Variants in RILPL2 observed in about 807,000 individuals in gnomAD.
RILPL2 encodes the protein Rab interacting lysosomal protein like 2, also known as RILP-like protein 2.
A neutral mutation model predicts 22.2 loss-of-function variants in RILPL2; 19 were observed. The ratio of observed to expected loss-of-function variants is 0.86; its 90% CI spans 0.60 to 1.25. The LOEUF is 1.25. Among genes scored for constraint, RILPL2 ranks in the 50% most tolerant of loss-of-function variants. The pLI, the probability that RILPL2 is intolerant of heterozygous loss-of-function variation, is 0.00. For missense variants in RILPL2, 243 were observed against 263.6 expected (o/e 0.92, Z 0.54); for synonymous variants, 123 against 111.6 (o/e 1.10, Z -0.64).
intron 2 of RILPL2, among the ~76,000 whole-genome samples, chr12:123,425,770 C>G (rs867022916): frequency 3.3e-5 from 5 of 152,006 alleles, no homozygotes; most frequent in African/African-American, 1.2e-4. Context: ...CTGCCCCAGC[C>G]TCCAGAGTAG....
chr12:123,420,545 T>C (rs1879253525), intron 3 of RILPL2, among the ~76,000 whole-genome samples: 1 of 151,962 alleles, frequency 6.6e-6, no homozygotes, highest in African/African-American at 2.4e-5. Context: ...CAGGCGATTC[T>C]CCTGCCTCAG....
At chr12:123,425,816 A>AT (rs1474076324) in intron 2 of RILPL2, among the ~76,000 whole-genome samples, 7 of 151,652 alleles carry the variant, frequency 4.6e-5, no homozygotes, top group Admixed American at 1.3e-4. Flanking sequence ...TGCCTGGCTA[A>AT]TTTTTTTGTA....
intron 2 of RILPL2, among the ~76,000 whole-genome samples, chr12:123,428,886 A>G (rs4930718): frequency 0.17 from 25,853 of 152,192 alleles, 2,538 homozygotes; most frequent in Middle Eastern, 0.26. Context: ...ACTAGCCAAC[A>G]CGACATTTTT....
intron 1 of RILPL2, among the ~76,000 whole-genome samples, chr12:123,435,554 C>T (rs1233125588): frequency 2.0e-5 from 3 of 151,968 alleles, no homozygotes; most frequent in African/African-American, 4.8e-5. Context: ...GCCTGGGTAA[C>T]GGTGAGACCC....
chr12:123,419,035 G>A (rs1320893518), intron 3 of RILPL2, among the ~76,000 whole-genome samples: 14 of 145,850 alleles, frequency 9.6e-5, no homozygotes, highest in Non-Finnish European at 1.7e-4. Context: ...TTTTGAGACG[G>A]AGTCTCGCTC....
chr12:123,409,714 C>CT, the RILPL2 span, among the ~76,000 whole-genome samples: 770 of 90,526 alleles, frequency 8.5e-3, 114 homozygotes, highest in African/African-American at 0.033. Context: ...CACACCTGGC[C>CT]TTTTTTTTTT....
chr12:123,416,280 C>G (rs933614863), intron 3 of RILPL2, among the ~76,000 whole-genome samples: 11 of 151,880 alleles, frequency 7.2e-5, no homozygotes, highest in African/African-American at 2.4e-4. Context: ...GCCGAGATTG[C>G]GCCACTGCAC....
At chr12:123,425,798 C>A (rs1050320044) in intron 2 of RILPL2, among the ~76,000 whole-genome samples, 1 of 151,492 alleles carries the variant, frequency 6.6e-6, no homozygotes, top group Non-Finnish European at 1.5e-5. Context: ...TACAGGTGCA[C>A]GCCACCATGC....
chr12:123,436,517 T>C lies in RILPL2; in HGVS notation c.-97A>G. The C allele has an allele frequency of 6.8e-7, 1 of 1,467,038 alleles. No individual in the cohort carries two copies. The highest frequency in any genetic ancestry group is 9.0e-7 in the Non-Finnish European group (1 of 1,109,366). The allele number at this position is 1,467,038 out of a possible 1,614,324, so 90.9% of individuals were successfully genotyped here. A position where few individuals can be genotyped will look rare whatever the true frequency, so the allele number is the denominator to read the frequency against. ...ACCCAAAACTTTCCGCTGGGCAGAG[T>C]CCCTACCTGCCCAATCAGCGCGGCC... On this transcript the variant is annotated 5_prime_UTR_variant, in exon 1 of 4. Coordinates refer to ENST00000280571, the MANE Select transcript of RILPL2 (RefSeq NM_145058.3). The surrounding 1 kb of genome is among the most constrained non-coding windows in gnomAD (Gnocchi z 6.7).
rs1879784477 is a variant in RILPL2, at chr12:123,436,040, CCGCAGG to C, written c.339+36_339+41del. The stretch of plus-strand genomic sequence containing the variant: ...CTGCCAGTAGGTGCCCTCCTACGCC[CCGCAGG>C]CGCCGTGGGCCCGGAACCCTCGCTC... On this transcript the variant is annotated intron_variant, in intron 1 of 3. Transcript: ENST00000280571. The surrounding 1 kb of genome is among the most constrained non-coding windows in gnomAD (Gnocchi z 6.7). 2 of 1,542,092 alleles carry C rather than the reference CCGCAGG, an allele frequency of 1.3e-6. No homozygotes were observed. Among genetic ancestry groups the C allele is most frequent in the Non-Finnish European group, 1.8e-6 (2 of 1,140,828 alleles).
chr12:123,435,464 T>C (rs1788818418), intron 1 of RILPL2, among the ~76,000 whole-genome samples: 2 of 152,202 alleles, frequency 1.3e-5, no homozygotes, highest in Non-Finnish European at 2.9e-5. Context: ...CTTGTCCAAG[T>C]GTGGTGGCTC....
chr12:123,434,701 C>T (rs1297422669), intron 1 of RILPL2, among the ~76,000 whole-genome samples: 1 of 150,990 alleles, frequency 6.6e-6, no homozygotes, highest in Non-Finnish European at 1.5e-5. Context: ...GCTGGGATTA[C>T]AGGCGTGAGT....
At chr12:123,412,419 G>A (rs1190916964), downstream of RILPL2, 3 of 152,376 alleles carry the variant, frequency 2.0e-5, no homozygotes, top group African/African-American at 7.2e-5. Context: ...GGAATTACAG[G>A]CTTGAACCAC....
downstream of RILPL2, chr12:123,414,904 CTG>C (rs1268883027): frequency 7.6e-6 from 1 of 131,590 alleles, no homozygotes; most frequent in Non-Finnish European, 1.5e-5. Flanking sequence ...GCACTCCAGA[CTG>C]TGCGACAGAG....
intron 1 of RILPL2, among the ~76,000 whole-genome samples, chr12:123,433,541 G>A (rs1373591802): frequency 6.6e-6 from 1 of 152,164 alleles, no homozygotes; most frequent in Non-Finnish European, 1.5e-5. Context: ...CAGCCTCCGA[G>A]TAGCTGGATT....
rs916235407 is a variant in RILPL2 at position 123,425,154 on chromosome 12, C to T, written c.492-1997G>A. Among the ~76,000 whole-genome samples the T allele has an allele frequency of 2.6e-5, 4 of 151,906 alleles. No homozygotes were observed. In the East Asian group the frequency reaches 7.7e-4, roughly 29 times the overall value. On this transcript the variant is annotated intron_variant, in intron 2 of 3. Coordinates refer to ENST00000280571, the MANE Select transcript of RILPL2 (RefSeq NM_145058.3). ...TCTGCCTCCCAAAGTGCTGTACAGG[C>T]ATAAGCCACTGCGCCCGGCCTTATT...
chr12:123,419,135 C>T (rs1879204938), intron 3 of RILPL2, among the ~76,000 whole-genome samples: 1 of 151,744 alleles, frequency 6.6e-6, no homozygotes, highest in African/African-American at 2.4e-5. Context: ...CTCAGCCTCC[C>T]GAGTAGCTGG....
the RILPL2 span, among the ~76,000 whole-genome samples, chr12:123,409,714 CTTTT>C: frequency 7.3e-3 from 657 of 90,226 alleles, no homozygotes; most frequent in South Asian, 0.019. Flanking sequence ...CACACCTGGC[CTTTT>C]TTTTTTTTTT....
intron 2 of RILPL2, among the ~76,000 whole-genome samples, chr12:123,423,446 CTGCCTCAGACTCCCAAAG>C (rs1276070148): frequency 6.6e-6 from 1 of 151,932 alleles, no homozygotes; most frequent in African/African-American, 2.4e-5. Context: ...AGTGATCCAT[CTGCCTCAGACTCCCAAAG>C]TGCTGGGATT....
Sources: gnomAD v4.1 joint callset for allele counts (sites outside exome capture counted in the v4.1 genomes callset) on GRCh38, gnomAD v4.1.1 for gene constraint, Gnocchi (gnomAD v3.1) non-coding constraint, MANE v1.5 for transcripts, NCBI Gene and HGNC (gene_info 2026-07-23, HGNC 2026-07-21) for gene names.